GNAL: variants seen among roughly 807,000 people sequenced by gnomAD.
GNAL encodes G protein subunit alpha L, also known as guanine nucleotide-binding protein G(olf) subunit alpha.
In GNAL, 18 loss-of-function variants were observed where a neutral mutation model predicts 55.1. That is an observed-to-expected ratio of 0.33 (90% CI 0.23 to 0.48). GNAL has a LOEUF of 0.48. GNAL is among the 20% of genes least tolerant of loss of function. The probability of loss-of-function intolerance (pLI) is 0.99; values close to 1 mark genes in which losing one functional copy is unlikely to be tolerated. For missense variants in GNAL, 412 were observed against 614.1 expected, an observed-to-expected ratio of 0.67 and a Z score of 3.48; for synonymous variants, 253 against 237.0, an observed-to-expected ratio of 1.07 and a Z score of -0.62.
At chr18:11,802,912 G>A (rs577088708) in intron 4 of GNAL, among the ~76,000 whole-genome samples, 29 of 152,242 alleles carry the variant, frequency 1.9e-4, no homozygotes, top group Admixed American at 1.4e-3. Context: ...AGAGGTACCC[G>A]GGCTGTGTGT....
At chr18:11,828,687 C>T (rs2035309306) in intron 5 of GNAL, among the ~76,000 whole-genome samples, 1 of 151,668 alleles carries the variant, frequency 6.6e-6, no homozygotes, top group Non-Finnish European at 1.5e-5. Context: ...ACAAGTTATT[C>T]CTGCATCACC....
intron 1 of GNAL, among the ~76,000 whole-genome samples, chr18:11,711,077 G>A (rs539767593): frequency 6.9e-4 from 105 of 152,102 alleles, no homozygotes; most frequent in African/African-American, 2.2e-3. Context: ...AGGTTTCACC[G>A]TGTTAGCCAG....
At chr18:11,822,460 C>T (rs2035124161) in intron 4 of GNAL, among the ~76,000 whole-genome samples, 1 of 152,066 alleles carries the variant, frequency 6.6e-6, no homozygotes, top group African/African-American at 2.4e-5. Flanking sequence ...AAAAATTAGC[C>T]AGGCGTGGTG....
chr18:11,797,349 G>C (rs1468329797), intron 4 of GNAL, among the ~76,000 whole-genome samples: 2 of 152,088 alleles, frequency 1.3e-5, no homozygotes, highest in Non-Finnish European at 1.5e-5. Context: ...TTTGTTTATA[G>C]GATACCAATT....
At chr18:11,712,756 G>A (rs964201608) in intron 1 of GNAL, among the ~76,000 whole-genome samples, 4 of 152,164 alleles carry the variant, frequency 2.6e-5, no homozygotes, top group African/African-American at 4.8e-5. Flanking sequence ...AGCAGAGGAC[G>A]TGATTAGACC....
rs2033531146 is a variant in GNAL, at chr18:11,769,025, A to ATATAGAATATATATATTC, written c.624+15084_624+15085insGAATATATATATTCTATA. ...TAGAATATATATATTCTATATTATA[A>ATATAGAATATATATATTC]TATATTATATATAATATATAATATA... On this transcript the variant is annotated intron_variant, in intron 4 of 11. Coordinates refer to ENST00000334049, the MANE Select transcript of GNAL (RefSeq NM_182978.4). Among the ~76,000 whole-genome samples the ATATAGAATATATATATTC allele has an allele frequency of 4.7e-5, 4 of 84,810 alleles. 1 individual carries two copies. Among genetic ancestry groups the ATATAGAATATATATATTC allele is most frequent in the African/African-American group, 9.3e-5 (1 of 10,720 alleles). 55.6% of individuals were successfully genotyped at this position (84,810 alleles called of 152,430 possible). A position where few individuals can be genotyped will look rare whatever the true frequency, so the allele number is the denominator to read the frequency against.
At position 11,883,354 on chromosome 18, in the gene GNAL, G is replaced by GGAA. The variant is rs1183992424; in HGVS notation, c.*2221_*2223dup. ...AAAAGCTGCACCCCCAGCAAGAAAG[G>GGAA]GAAGTATGCTGTTGTATGCATCATT... On this transcript the variant is annotated 3_prime_UTR_variant, in exon 12 of 12. Coordinates refer to ENST00000334049, the MANE Select transcript of GNAL (RefSeq NM_182978.4). 3 of 153,032 alleles carry GGAA rather than the reference G, an allele frequency of 2.0e-5. No individual in the cohort carries two copies. Among genetic ancestry groups the GGAA allele is most frequent in the African/African-American group, 7.2e-5 (3 of 41,382 alleles). 9.5% of individuals were successfully genotyped at this position (153,032 alleles called of 1,614,324 possible). A position where few individuals can be genotyped will look rare whatever the true frequency, so the allele number is the denominator to read the frequency against.
At chr18:11,828,084 G>A (rs1456915825) in intron 5 of GNAL, among the ~76,000 whole-genome samples, 1 of 152,150 alleles carries the variant, frequency 6.6e-6, no homozygotes, top group Non-Finnish European at 1.5e-5. Flanking sequence ...TTATTTGGTT[G>A]CTTTCGGTTT....
rs1555641028 is a variant in GNAL at position 11,703,795 on chromosome 18, G to GTGCACACACACACA, written c.376+13856_376+13857insTGCACACACACACA. The stretch of plus-strand genomic sequence containing the variant: ...GGGATAGGAGGCCCAGTGTTGATGG[G>GTGCACACACACACA]CACACACACACACACACACACACAC... On this transcript the variant is annotated intron_variant, in intron 1 of 11. Transcript: ENST00000334049. Among the ~76,000 whole-genome samples, 339 of 141,490 alleles carry GTGCACACACACACA rather than the reference G, an allele frequency of 2.4e-3. 4 individuals are homozygous for GTGCACACACACACA. The highest frequency in any genetic ancestry group is 8.5e-3 in the African/African-American group (321 of 37,942). 92.8% of individuals were successfully genotyped at this position (141,490 alleles called of 152,430 possible). A position where few individuals can be genotyped will look rare whatever the true frequency, so the allele number is the denominator to read the frequency against.
chr18:11,833,246 G>T (rs1400714027), intron 5 of GNAL, among the ~76,000 whole-genome samples: 3 of 151,966 alleles, frequency 2.0e-5, no homozygotes, highest in Non-Finnish European at 4.4e-5. Flanking sequence ...TGGCCAGGCT[G>T]GTCTCGAACT....
chr18:11,884,707 G>A lies in GNAL; in HGVS notation c.*3572G>A. 2.1e-6 allele frequency: 3 copies of A among 1,461,912 alleles called. No homozygotes were observed. In the South Asian group the frequency reaches 3.7e-5, roughly 18 times the overall value. The allele number at this position is 1,461,912 out of a possible 1,614,324, so 90.6% of individuals were successfully genotyped here. A position where few individuals can be genotyped will look rare whatever the true frequency, so the allele number is the denominator to read the frequency against. Reference sequence around the variant, plus strand: ...GCAGTCTTAGAAACAGCAGAGGGAAGACTGCCTTCTCAGGTCCCCCTCAGG... The same window carrying A: ...GCAGTCTTAGAAACAGCAGAGGGAAAACTGCCTTCTCAGGTCCCCCTCAGG... On this transcript the variant is annotated 3_prime_UTR_variant, in exon 12 of 12. Coordinates refer to ENST00000334049, the MANE Select transcript of GNAL (RefSeq NM_182978.4).
intron 11 of GNAL, among the ~76,000 whole-genome samples, chr18:11,879,411 A>G (rs1168185746): frequency 6.6e-6 from 1 of 152,080 alleles, no homozygotes; most frequent in East Asian, 1.9e-4. Flanking sequence ...CTGCCATAAC[A>G]AAGTGCCGCA....
At chr18:11,810,129 G>A (rs972872150) in intron 4 of GNAL, among the ~76,000 whole-genome samples, 3 of 152,218 alleles carry the variant, frequency 2.0e-5, no homozygotes, top group Admixed American at 6.5e-5. Context: ...GGCGGCTCAC[G>A]CCTATAATGT....
At chr18:11,774,925 C>T (rs1300889459) in intron 4 of GNAL, among the ~76,000 whole-genome samples, 1 of 152,176 alleles carries the variant, frequency 6.6e-6, no homozygotes. Flanking sequence ...GCCTGTAGCT[C>T]ACTACATGAG....
At chr18:11,783,569 C>T (rs1373301806) in intron 4 of GNAL, among the ~76,000 whole-genome samples, 1 of 152,188 alleles carries the variant, frequency 6.6e-6, no homozygotes, top group African/African-American at 2.4e-5. Context: ...CACTCCAGCA[C>T]TGACCAAACA....
At chr18:11,722,521 G>A (rs1382122941) in intron 1 of GNAL, among the ~76,000 whole-genome samples, 2 of 152,170 alleles carry the variant, frequency 1.3e-5, no homozygotes, top group Non-Finnish European at 2.9e-5. Context: ...AAAGATGGGA[G>A]GCTCTAAGTC....
intron 1 of GNAL, among the ~76,000 whole-genome samples, chr18:11,698,789 G>A (rs186047628): frequency 6.6e-6 from 1 of 152,264 alleles, no homozygotes; most frequent in Admixed American, 6.5e-5. Context: ...GACCCTTGCT[G>A]TGCATCCGCT....
intron 4 of GNAL, among the ~76,000 whole-genome samples, chr18:11,795,390 CAAAAAAA>C (rs752221474): frequency 1.5e-5 from 1 of 68,258 alleles, no homozygotes; most frequent in Non-Finnish European, 3.2e-5. Flanking sequence ...GACCCTGTCT[CAAAAAAA>C]AAAAAAAAAA....
chr18:11,851,550 C>T (rs1166063530), intron 5 of GNAL: 21 of 1,607,716 alleles, frequency 1.3e-5, no homozygotes, highest in Non-Finnish European at 1.6e-5. Flanking sequence ...ACCTGAAGTT[C>T]GCGGCCAAAG....
Sources: allele counts gnomAD v4.1 joint callset (sites outside exome capture counted in the v4.1 genomes callset), GRCh38; gene constraint gnomAD v4.1.1; transcripts MANE v1.5; gene names NCBI Gene and HGNC (gene_info 2026-07-23, HGNC 2026-07-21).